The following CNTNAP3B variants were observed in gnomAD, a reference collection of about 807,000 sequenced individuals.
CNTNAP3B encodes contactin-associated protein-like 3B.
A neutral mutation model predicts 108.9 loss-of-function variants in CNTNAP3B; 25 were observed. The ratio of observed to expected loss-of-function variants is 0.23; its 90% confidence interval spans 0.17 to 0.32. The LOEUF is 0.32. CNTNAP3B is among the 10% of genes least tolerant of loss of function. The pLI is 1.00. For missense variants in CNTNAP3B, 252 were observed against 1,210.4 expected (o/e 0.21, Z 11.75); for synonymous variants, 103 against 473.4 (o/e 0.22, Z 10.16).
chr9:41,945,553 G>A (rs1824508062), intron 13 of CNTNAP3B, among the ~76,000 whole-genome samples: 1 of 152,310 alleles, frequency 6.6e-6, no homozygotes, highest in East Asian at 1.9e-4. Flanking sequence ...ACTCATAGGT[G>A]GGAATTGAAC....
At chr9:41,970,915 G>A (rs1166202910) in intron 9 of CNTNAP3B, among the ~76,000 whole-genome samples, 1 of 149,742 alleles carries the variant, frequency 6.7e-6, no homozygotes, top group African/African-American at 2.5e-5. Flanking sequence ...AAAAGTAACA[G>A]GACATAACAC....
chr9:41,962,976 C>CAAACA (rs1825150699), intron 11 of CNTNAP3B, among the ~76,000 whole-genome samples: 5 of 147,124 alleles, frequency 3.4e-5, no homozygotes. Flanking sequence ...AACAAACAAA[C>CAAACA]AAAAAAAAGA....
At chr9:41,956,320 A>G (rs905292419) in intron 12 of CNTNAP3B, among the ~76,000 whole-genome samples, 2 of 151,838 alleles carry the variant, frequency 1.3e-5, no homozygotes, top group Non-Finnish European at 2.9e-5. Context: ...CGGGAGGTGG[A>G]GGTTGCAGTG....
rs756224493 is a variant in CNTNAP3B, at chr9:41,953,138, G to T, written c.2080+45C>A. ...AGGCATCTCGCAGCCCGAGGGCCGC[G>T]CCCCGGCCTCGTGAGCCCCTGTAGC... On this transcript the variant is annotated intron_variant, in intron 13 of 23. Coordinates refer to ENST00000377561, the MANE Select transcript of CNTNAP3B (RefSeq NM_001201380.3). The T allele has an allele frequency of 6.1e-6, 9 of 1,470,508 alleles. No individual in the cohort carries two copies. In the Admixed American group the frequency reaches 1.3e-4, roughly 22 times the overall value. 91.1% of individuals were successfully genotyped at this position (1,470,508 alleles called of 1,614,324 possible). A position where few individuals can be genotyped will look rare whatever the true frequency, so the allele number is the denominator to read the frequency against.
intron 11 of CNTNAP3B, among the ~76,000 whole-genome samples, chr9:41,963,611 TCG>T (rs1825172580): frequency 6.6e-6 from 1 of 151,574 alleles, no homozygotes; most frequent in African/African-American, 2.4e-5. Context: ...TACAAGAGAC[TCG>T]GGGCCCCATC....
At chr9:42,086,504 A>G (rs1361302054) in intron 2 of CNTNAP3B, among the ~76,000 whole-genome samples, 3 of 137,070 alleles carry the variant, frequency 2.2e-5, no homozygotes, top group Non-Finnish European at 4.7e-5. Context: ...CCAAGATTCA[A>G]TGCAATCTCA....
At chr9:41,950,917 G>A (rs1824658546) in intron 13 of CNTNAP3B, among the ~76,000 whole-genome samples, 1 of 149,222 alleles carries the variant, frequency 6.7e-6, no homozygotes, top group Admixed American at 6.7e-5. Context: ...CACCACACCT[G>A]GCTACTTTTT....
intron 1 of CNTNAP3B, among the ~76,000 whole-genome samples, chr9:42,120,081 C>A (rs1256089535): frequency 6.6e-6 from 1 of 150,712 alleles, no homozygotes; most frequent in African/African-American, 2.5e-5. Context: ...ACTCATCTGA[C>A]AAAGGGCTAA....
At chr9:41,924,793 C>T (rs1245030973) in intron 15 of CNTNAP3B, among the ~76,000 whole-genome samples, 5 of 152,390 alleles carry the variant, frequency 3.3e-5, no homozygotes, top group African/African-American at 7.2e-5. Context: ...ACATGTATTA[C>T]TCAGGCCTCT....
intron 3 of CNTNAP3B, among the ~76,000 whole-genome samples, chr9:42,021,928 C>T (rs1329381006): frequency 1.6e-5 from 2 of 127,574 alleles, no homozygotes; most frequent in East Asian, 4.9e-4. Context: ...CCCTTCTTGC[C>T]CTTGACCTTC....
intron 3 of CNTNAP3B, among the ~76,000 whole-genome samples, chr9:42,037,145 T>C (rs1162181505): frequency 6.8e-6 from 1 of 148,130 alleles, no homozygotes; most frequent in East Asian, 2.0e-4. Context: ...GCACCTCTTC[T>C]CCTTCAAAGG....
At chr9:42,108,761 GA>G (rs1828130715) in intron 1 of CNTNAP3B, among the ~76,000 whole-genome samples, 1 of 137,500 alleles carries the variant, frequency 7.3e-6, no homozygotes, top group Admixed American at 7.2e-5. Flanking sequence ...CTATGGTCTT[GA>G]TTTGTCCCCT....
rs1302376010 is a variant in CNTNAP3B, at chr9:41,942,177, G to A, written c.2081-3777C>T. 5.2e-5 allele frequency among the ~76,000 whole-genome samples: 8 copies of A among 152,396 alleles called. No homozygotes were observed. In the East Asian group the frequency reaches 9.6e-4, roughly 18 times the overall value. ...CTCTAAAAGACTGACCTAATCCTAA[G>A]AGTACAGGATGCTTCTGGCCGGGCG... On this transcript the variant is annotated intron_variant, in intron 13 of 23. Transcript: ENST00000377561.
chr9:41,919,363 C>A (rs1291690357), intron 18 of CNTNAP3B, among the ~76,000 whole-genome samples: 2 of 151,718 alleles, frequency 1.3e-5, no homozygotes, highest in East Asian at 3.9e-4. Flanking sequence ...ATCCGCCTGC[C>A]TTGGCCTCCC....
chr9:42,012,803 TG>T (rs1452752120), intron 4 of CNTNAP3B, among the ~76,000 whole-genome samples: 1 of 93,528 alleles, frequency 1.1e-5, no homozygotes, highest in Non-Finnish European at 2.2e-5. Flanking sequence ...GCCGGCTTTT[TG>T]TTTGTGTTAT....
At chr9:41,943,186 T>C (rs1469462332) in intron 13 of CNTNAP3B, among the ~76,000 whole-genome samples, 1 of 152,280 alleles carries the variant, frequency 6.6e-6, no homozygotes, top group Non-Finnish European at 1.5e-5. Flanking sequence ...AAGTAAACAT[T>C]GTAGAGTGTC....
chr9:41,934,122 T>TATACACACAC (rs1214326050), intron 14 of CNTNAP3B, among the ~76,000 whole-genome samples: 1 of 73,474 alleles, frequency 1.4e-5, no homozygotes, highest in Non-Finnish European at 2.6e-5. Context: ...TATATATATA[T>TATACACACAC]ACACACACAT....
intron 1 of CNTNAP3B, among the ~76,000 whole-genome samples, chr9:42,121,915 C>T (rs1828472124): frequency 7.1e-6 from 1 of 140,260 alleles, no homozygotes. Context: ...TGGGTCAAAG[C>T]AAAGGACTGT....
In CNTNAP3B at chr9:42,112,238, C is replaced by T. The variant is rs183304936; in HGVS notation, c.86-7499G>A. 8.0e-3 allele frequency among the ~76,000 whole-genome samples: 1,111 copies of T among 139,718 alleles called. 160 individuals are homozygous for T. The highest frequency in any genetic ancestry group is 0.03 in the African/African-American group (1,070 of 35,240). The allele number at this position is 139,718 out of a possible 152,430, so 91.7% of individuals were successfully genotyped here. A position where few individuals can be genotyped will look rare whatever the true frequency, so the allele number is the denominator to read the frequency against. Reference sequence around the variant, plus strand: ...CACTTATTATCTTCAGGGCTCAACTCAAGTTTTGTCTCTGCTCTGAAGTCT... The same window carrying T: ...CACTTATTATCTTCAGGGCTCAACTTAAGTTTTGTCTCTGCTCTGAAGTCT... On this transcript the variant is annotated intron_variant, in intron 1 of 23. Coordinates refer to ENST00000377561, the MANE Select transcript of CNTNAP3B (RefSeq NM_001201380.3).
Sources: allele counts gnomAD v4.1 joint callset (sites outside exome capture counted in the v4.1 genomes callset), GRCh38; gene constraint gnomAD v4.1.1; transcripts MANE v1.5; gene names NCBI Gene and HGNC (gene_info 2026-07-23, HGNC 2026-07-21).